Variants in VAV1 observed in about 807,000 individuals in gnomAD.
The protein encoded by VAV1 is proto-oncogene vav.
VAV1 carries 33 observed loss-of-function variants against 128.1 expected under a neutral mutation model. That is an observed-to-expected ratio of 0.26 (90% CI 0.20 to 0.34). The LOEUF (loss-of-function observed/expected upper bound fraction) is 0.34, where lower values mean the gene tolerates loss of function less well. Ranked by LOEUF, VAV1 falls within the 10% of genes least tolerant of loss-of-function variation. VAV1 has a pLI of 1.00. For synonymous variants in VAV1, 394 were observed against 409.8 expected, an observed-to-expected ratio of 0.96 and a Z score of 0.47; for missense variants, 715 against 1,093.7, an observed-to-expected ratio of 0.65 and a Z score of 4.88.
Position 6,826,743 on chromosome 19 carries a change from C to T in VAV1, c.927+32C>T, listed in dbSNP as rs371597441. The T allele has an allele frequency of 3.0e-4, 446 of 1,500,548 alleles. 3 individuals are homozygous for T. In the South Asian group the frequency reaches 3.3e-3, roughly 11 times the overall value. 93.0% of individuals were successfully genotyped at this position (1,500,548 alleles called of 1,614,324 possible). The stretch of plus-strand genomic sequence containing the variant: ...GCCGGGCCACTTCTCGGGGGCCTCT[C>T]CCGCTCCTCCCCAGGCCCTGGGGGC... On this transcript the variant is annotated intron_variant, in intron 9 of 26. Coordinates refer to ENST00000602142, the MANE Select transcript of VAV1 (RefSeq NM_005428.4). The surrounding 1 kb of genome is among the most constrained non-coding windows in gnomAD (Gnocchi z 4.1).
chr19:6,812,023 C>T lies in VAV1; in HGVS notation c.205-8679C>T, dbSNP rs74882775. 1.8e-3 allele frequency among the ~76,000 whole-genome samples: 277 copies of T among 152,232 alleles called. 1 individual carries two copies. Among genetic ancestry groups the T allele is most frequent in the Non-Finnish European group, 3.4e-3 (230 of 68,022 alleles). On this transcript the variant is annotated intron_variant, in intron 1 of 26. Transcript: ENST00000602142. ...AAGTAATTTCTCCTTAAATACAGTGCCCTGAAAGTGATGCTTATGACAAAT... is the reference window on the plus strand; with the variant it reads ...AAGTAATTTCTCCTTAAATACAGTGTCCTGAAAGTGATGCTTATGACAAAT...
At chr19:6,785,663 T>TTC (rs201935967) in intron 1 of VAV1, among the ~76,000 whole-genome samples, 1,579 of 84,502 alleles carry the variant, frequency 0.019, 23 homozygotes, top group African/African-American at 0.073. Flanking sequence ...CTTTCTTTCT[T>TTC]TTTTTTTTTT....
At chr19:6,783,349 G>A (rs1466719112) in intron 1 of VAV1, among the ~76,000 whole-genome samples, 12 of 152,086 alleles carry the variant, frequency 7.9e-5, no homozygotes, top group South Asian at 2.1e-4. Context: ...CTCTAGGGCC[G>A]AGGCTCCATC....
chr19:6,844,280 G>C (rs940508244), intron 22 of VAV1, among the ~76,000 whole-genome samples: 3 of 151,298 alleles, frequency 2.0e-5, no homozygotes, highest in African/African-American at 7.3e-5. Flanking sequence ...GCGCAATGGC[G>C]TGATCTCGGC....
At chr19:6,787,132 C>G (rs1970911163) in intron 1 of VAV1, among the ~76,000 whole-genome samples, 1 of 151,516 alleles carries the variant, frequency 6.6e-6, no homozygotes. Flanking sequence ...ACACCTCCTC[C>G]CCACCCTTGG....
Position 6,822,196 on chromosome 19 carries a change from G to T in VAV1, c.450-25G>T. On this transcript the variant is annotated intron_variant, in intron 4 of 26. Transcript: ENST00000602142. The surrounding 1 kb of genome is among the most constrained non-coding windows in gnomAD (Gnocchi z 5.9). ...TGCTGTGATCTGGGAGAGGTCCAAGGGATCCCTGACCTCACAACCCACAGC... is the reference window on the plus strand; with the variant it reads ...TGCTGTGATCTGGGAGAGGTCCAAGTGATCCCTGACCTCACAACCCACAGC... 6.4e-7 allele frequency: 1 copy of T among 1,558,090 alleles called. No individual in the cohort carries two copies. The highest frequency in any genetic ancestry group is 8.7e-7 in the Non-Finnish European group (1 of 1,150,150).
intron 1 of VAV1, among the ~76,000 whole-genome samples, chr19:6,783,917 C>T (rs1328012916): frequency 1.3e-5 from 2 of 151,974 alleles, no homozygotes; most frequent in African/African-American, 4.8e-5. Flanking sequence ...CAGGGTAATG[C>T]CTCACTGGCT....
At chr19:6,779,991 G>T (rs997873057) in intron 1 of VAV1, among the ~76,000 whole-genome samples, 5 of 148,750 alleles carry the variant, frequency 3.4e-5, no homozygotes, top group Non-Finnish European at 6.0e-5. Flanking sequence ...GGCGCCTGTA[G>T]TCCCAGCTAC....
At chr19:6,831,197 G>A (rs1972045117) in intron 14 of VAV1, among the ~76,000 whole-genome samples, 1 of 152,158 alleles carries the variant, frequency 6.6e-6, no homozygotes, top group Non-Finnish European at 1.5e-5. Context: ...TGACATTTAA[G>A]CTGAGACCCC....
At chr19:6,836,624 T>C in intron 20 of VAV1, 56 bp downstream of exon 20, 2 of 1,599,172 alleles carry the variant, frequency 1.3e-6, no homozygotes. Context: ...GGGTTATGGA[T>C]TCATGTGGTC....
chr19:6,822,566 G>A lies in VAV1; in HGVS notation c.654+52G>A, dbSNP rs899580478. 1 of 1,508,330 alleles carries A rather than the reference G, an allele frequency of 6.6e-7. No homozygotes were observed. The highest frequency in any genetic ancestry group is 2.5e-5 in the East Asian group (1 of 40,594). The allele number at this position is 1,508,330 out of a possible 1,614,324, so 93.4% of individuals were successfully genotyped here. On this transcript the variant is annotated intron_variant, in intron 6 of 26. Coordinates refer to ENST00000602142, the MANE Select transcript of VAV1 (RefSeq NM_005428.4). This position sits in a 1 kb window ranked among gnomAD's most constrained non-coding sequence, Gnocchi z 5.9. ...CGGGCGCATGCGCGGGAGCTGGGCC[G>A]GCAGGTGCACGTCCACCTGTCCGGC...
intron 15 of VAV1, among the ~76,000 whole-genome samples, 166 bp from the exon 16 acceptor site, chr19:6,833,018 C>T (rs1415275410): frequency 1.3e-5 from 2 of 152,180 alleles, no homozygotes; most frequent in Non-Finnish European, 1.5e-5. Flanking sequence ...ATGTGCATGG[C>T]AGCACGATTC....
rs774496919 is a variant in VAV1 at position 6,822,521 on chromosome 19, G to A, written c.654+7G>A. ...GCTGGGCTCCATCCAGCAGGTGGGC[G>A]CCTCCCACCCAGCGCCTGCCGGGCG... On this transcript the variant is annotated splice_region_variant and intron_variant, in intron 6 of 26. Coordinates refer to ENST00000602142, the MANE Select transcript of VAV1 (RefSeq NM_005428.4). This position sits in a 1 kb window ranked among gnomAD's most constrained non-coding sequence, Gnocchi z 5.9. 24 of 1,545,492 alleles carry A rather than the reference G, an allele frequency of 1.6e-5. No individual in the cohort carries two copies. Among genetic ancestry groups the A allele is most frequent in the Middle Eastern group, 2.1e-4 (1 of 4,688 alleles).
chr19:6,848,315 G>A (rs749665885), intron 23 of VAV1, among the ~76,000 whole-genome samples: 1 of 152,064 alleles, frequency 6.6e-6, no homozygotes, highest in African/African-American at 2.4e-5. Flanking sequence ...GATTCCTATA[G>A]AGGCTCAAAA....
intron 26 of VAV1, 65 bp downstream of exon 26, chr19:6,854,163 G>A: frequency 6.3e-7 from 1 of 1,581,442 alleles, no homozygotes; most frequent in Non-Finnish European, 8.6e-7. Flanking sequence ...GACGAGACTG[G>A]AACTGGGGAC....
rs986042421 is a variant in VAV1 at position 6,839,921 on chromosome 19, G to C, written c.1980+2871G>C. Among the ~76,000 whole-genome samples the C allele has an allele frequency of 5.5e-4, 83 of 151,634 alleles. 1 individual carries two copies. The highest frequency in any genetic ancestry group is 2.0e-3 in the African/African-American group (81 of 41,338). On this transcript the variant is annotated intron_variant, in intron 21 of 26. Coordinates refer to ENST00000602142, the MANE Select transcript of VAV1 (RefSeq NM_005428.4). The stretch of plus-strand genomic sequence containing the variant: ...TGCCCAGGCTGGTTTCGAACTTCTG[G>C]GCCCAAGTGATTCCCCTGCCTCAGC...
intron 1 of VAV1, among the ~76,000 whole-genome samples, chr19:6,814,848 A>G (rs1003394470): frequency 1.3e-5 from 2 of 151,686 alleles, no homozygotes; most frequent in African/African-American, 4.9e-5. Flanking sequence ...AATCTTTTCA[A>G]CATCTCATTA....
intron 1 of VAV1, among the ~76,000 whole-genome samples, chr19:6,776,587 T>C (rs970203320): frequency 1.3e-5 from 2 of 149,648 alleles, no homozygotes; most frequent in African/African-American, 4.9e-5. Flanking sequence ...CACTCATCCG[T>C]CCATCCACTC....
At chr19:6,779,615 C>T (rs1423367412) in intron 1 of VAV1, among the ~76,000 whole-genome samples, 1 of 150,332 alleles carries the variant, frequency 6.7e-6, no homozygotes, top group Non-Finnish European at 1.5e-5. Flanking sequence ...AATCCCAGCA[C>T]TTTGGGAGGC....
Sources: allele counts gnomAD v4.1 joint callset (sites outside exome capture counted in the v4.1 genomes callset), GRCh38; gene constraint gnomAD v4.1.1; non-coding constraint Gnocchi (gnomAD v3.1); transcripts MANE v1.5; gene names NCBI Gene and HGNC (gene_info 2026-07-23, HGNC 2026-07-21).